KLHDC4: variants seen among roughly 807,000 people sequenced by gnomAD.
KLHDC4 encodes kelch domain-containing protein 4.
KLHDC4 carries 90 observed loss-of-function variants against 62.4 expected under a neutral mutation model. The observed-to-expected ratio is 1.44, with a 90% CI of 1.22 to 1.72. The LOEUF is 1.72. Ranked by LOEUF, KLHDC4 falls within the 40% of genes most tolerant of loss-of-function variation. The probability of loss-of-function intolerance (pLI) is 0.00; values close to 1 mark genes in which losing one functional copy is unlikely to be tolerated. For missense variants in KLHDC4, 1,025 were observed against 699.7 expected (o/e 1.47, Z -5.25); for synonymous variants, 386 against 284.4 (o/e 1.36, Z -3.59).
At chr16:87,702,782 C>T (rs1336865494), upstream of KLHDC4, among the ~76,000 whole-genome samples, 3 of 152,212 alleles carry the variant, frequency 2.0e-5, no homozygotes, top group African/African-American at 7.2e-5. Flanking sequence ...CCTTCCAAGT[C>T]GGCCCTGGCG....
chr16:87,704,585 C>T (rs897202985), downstream of KLHDC4, among the ~76,000 whole-genome samples: 24 of 147,226 alleles, frequency 1.6e-4, no homozygotes, highest in Middle Eastern at 3.4e-3. Context: ...GGGTCCTGAA[C>T]GTCACGGAGA....
At chr16:87,698,730 T>C (rs561187091) in exon 1 of KLHDC4, 92 of 152,284 alleles carry the variant, frequency 6.0e-4, no homozygotes, top group African/African-American at 2.1e-3. Context: ...ATGGGGTGAT[T>C]AAGCAGAAGG....
chr16:87,717,697 A>G (rs1019453411), intron 7 of KLHDC4, among the ~76,000 whole-genome samples: 1 of 149,238 alleles, frequency 6.7e-6, no homozygotes, highest in Non-Finnish European at 1.5e-5. Flanking sequence ...AGGGCCTAGC[A>G]TTATTGTGAA....
intron 11 of KLHDC4, 25 bp downstream of exon 11, chr16:87,708,325 C>A: frequency 6.7e-7 from 1 of 1,481,644 alleles, no homozygotes; most frequent in South Asian, 1.2e-5. Flanking sequence ...GCAGCCGCGC[C>A]ACCCGCCAGC....
At chr16:87,765,294 C>T (rs904172521) in intron 1 of KLHDC4, 1 of 456,090 alleles carries the variant, frequency 2.2e-6, no homozygotes, top group African/African-American at 2.0e-5. Flanking sequence ...CTTCACTTAA[C>T]CATCTGCTGC....
intron 8 of KLHDC4, among the ~76,000 whole-genome samples, chr16:87,713,511 A>AT (rs1359257080): frequency 1.3e-5 from 2 of 152,028 alleles, no homozygotes; most frequent in African/African-American, 4.8e-5. Context: ...AACAAATGCA[A>AT]TTTTTTTCAA....
At chr16:87,720,163 C>G (rs1464042916) in intron 7 of KLHDC4, among the ~76,000 whole-genome samples, 1 of 152,214 alleles carries the variant, frequency 6.6e-6, no homozygotes, top group African/African-American at 2.4e-5. Flanking sequence ...CCGTCACCAG[C>G]TCAGGCCAGG....
chr16:87,699,341 T>A (rs1263894491), exon 1 of KLHDC4: 1 of 152,240 alleles, frequency 6.6e-6, no homozygotes, highest in African/African-American at 2.4e-5. Flanking sequence ...TTCCCAAAGA[T>A]ACAGATCAGG....
chr16:87,720,479 AGCGACCGCAC>A (rs1166732647), intron 7 of KLHDC4, among the ~76,000 whole-genome samples: 1 of 152,170 alleles, frequency 6.6e-6, no homozygotes, highest in Non-Finnish European at 1.5e-5. Flanking sequence ...TCGGGCAAGC[AGCGACCGCAC>A]GCACCGTGCC....
intron 8 of KLHDC4, among the ~76,000 whole-genome samples, chr16:87,711,980 G>A (rs1043020459): frequency 7.3e-6 from 1 of 136,578 alleles, no homozygotes; most frequent in Admixed American, 7.0e-5. Context: ...TTCGCCCAGG[G>A]GGCTGAATGC....
At chr16:87,709,923 G>T in intron 9 of KLHDC4, 1 of 524,884 alleles carries the variant, frequency 1.9e-6, no homozygotes, top group Non-Finnish European at 3.4e-6. Context: ...CTCACTGAGG[G>T]GCCGCTCCAC....
At chr16:87,721,605 G>T (rs1452390939) in intron 7 of KLHDC4, among the ~76,000 whole-genome samples, 2 of 152,066 alleles carry the variant, frequency 1.3e-5, no homozygotes, top group African/African-American at 4.8e-5. Flanking sequence ...CGGAGCTCTG[G>T]CTCCGAGGTC....
At position 87,756,430 on chromosome 16, in the gene KLHDC4, A is replaced by C; in HGVS notation, c.239T>G (p.Leu80Arg). The change falls in exon 3 of 12, where the codon CTT becomes CGT. Residue 80 changes from leucine (L) to arginine (R), a missense_variant. Leu to Arg is a moderately radical substitution (Grantham distance 102). Coordinates refer to ENST00000270583, the MANE Select transcript of KLHDC4 (RefSeq NM_017566.4). ...SVHPEKDELILFGGEYFNGQK... is the reference protein window; with the variant it reads ...SVHPEKDELIRFGGEYFNGQK... ...GCCGTTGAAATATTCACCTCCAAAA[A>C]GGATTAACTCATCTTTCTCAGGATG... is the stretch of plus-strand genomic sequence containing the variant. 6.2e-7 allele frequency: 1 copy of C among 1,613,966 alleles called. No individual in the cohort carries two copies. The highest frequency in any genetic ancestry group is 8.5e-7 in the Non-Finnish European group (1 of 1,179,812).
chr16:87,708,373 T>A lies in KLHDC4; in HGVS notation c.1541A>T (p.Glu514Val). ...ACCTCAGTCCTCCGCACCGCTCTCC[T>A]CTCCGCTGTCTTCGTCGTCGACCCC... ...EGGVDDEDSG[E>V]ESGAED is the part of the protein sequence containing the mutation. The change falls in exon 11 of 12, where the codon GAG becomes GTG. Residue 514 changes from glutamate to valine, a missense_variant. Coordinates refer to ENST00000270583, the MANE Select transcript of KLHDC4 (RefSeq NM_017566.4). 6.2e-7 allele frequency: 1 copy of A among 1,609,528 alleles called. No homozygotes were observed. The highest frequency in any genetic ancestry group is 8.5e-7 in the Non-Finnish European group (1 of 1,178,646).
At chr16:87,700,605 A>G (rs2034093257) in exon 1 of KLHDC4, 1 of 161,864 alleles carries the variant, frequency 6.2e-6, no homozygotes, top group South Asian at 7.2e-5. Context: ...GAAGAGGTGG[A>G]GGGAGGAAAC....
At chr16:87,762,566 C>G (rs2046049055) in intron 1 of KLHDC4, among the ~76,000 whole-genome samples, 1 of 152,222 alleles carries the variant, frequency 6.6e-6, no homozygotes, top group Non-Finnish European at 1.5e-5. Flanking sequence ...TTTCCTCCAC[C>G]CCAACAAAAT....
chr16:87,731,370 C>T (rs1249503783), intron 5 of KLHDC4, among the ~76,000 whole-genome samples: 2 of 151,638 alleles, frequency 1.3e-5, no homozygotes, highest in Non-Finnish European at 2.9e-5. Flanking sequence ...CTGTGCCCGG[C>T]CCAGAATTCT....
chr16:87,751,638 G>C lies in KLHDC4; in HGVS notation c.370-2829C>G, dbSNP rs553024403. On this transcript the variant is annotated intron_variant, in intron 4 of 11. Coordinates refer to ENST00000270583, the MANE Select transcript of KLHDC4 (RefSeq NM_017566.4). ...TAATCAGTCCCTAAAGCCATTCCTG[G>C]CCAGGTGCAGTGGCTCATGCCTGTA... Among the ~76,000 whole-genome samples the C allele has an allele frequency of 3.3e-5, 5 of 152,140 alleles. No homozygotes were observed. In the East Asian group the frequency reaches 5.8e-4, roughly 18 times the overall value.
At chr16:87,708,508 G>C in intron 10 of KLHDC4, 42 bp from the exon 11 acceptor site, 1 of 1,495,072 alleles carries the variant, frequency 6.7e-7, no homozygotes, top group Non-Finnish European at 9.1e-7. Flanking sequence ...CAGCGCAGCT[G>C]AGGCAGGTGG....
Sources: gnomAD v4.1 joint callset for allele counts (sites outside exome capture counted in the v4.1 genomes callset) on GRCh38, gnomAD v4.1.1 for gene constraint, MANE v1.5 for transcripts, NCBI Gene and HGNC (gene_info 2026-07-23, HGNC 2026-07-21) for gene names.